TRAPPC9: variants seen among roughly 807,000 people sequenced by gnomAD.
TRAPPC9 encodes the protein trafficking protein particle complex subunit 9, also known as IKK2 binding protein.
A neutral mutation model predicts 124.0 loss-of-function variants in TRAPPC9; 83 were observed. The ratio of observed to expected loss-of-function variants is 0.67; its 90% confidence interval spans 0.56 to 0.80. The LOEUF is 0.80. TRAPPC9 is among the 30% of genes least tolerant of loss of function. The pLI, the probability that TRAPPC9 is intolerant of heterozygous loss-of-function variation, is 0.00. For synonymous variants in TRAPPC9, 638 were observed against 617.5 expected (o/e 1.03, Z -0.49); for missense variants, 1,302 against 1,508.3 (o/e 0.86, Z 2.27).
At position 140,415,166 on chromosome 8, in the gene TRAPPC9, G is replaced by A. The variant is rs1014431882; in HGVS notation, c.887-9468C>T. On this transcript the variant is annotated intron_variant, in intron 5 of 22. Transcript: ENST00000438773. The stretch of plus-strand genomic sequence containing the variant: ...TTCTAGGCTGCAGTGAGCTGTAATC[G>A]CCACTGCACTCCAGCCTGGGCAACA... Among the ~76,000 whole-genome samples the A allele has an allele frequency of 2.3e-4, 35 of 152,110 alleles. 1 individual carries two copies. The highest frequency in any genetic ancestry group is 9.8e-4 in the Admixed American group (15 of 15,274).
At chr8:139,879,444 A>ACACCG (rs1428473055) in intron 21 of TRAPPC9, among the ~76,000 whole-genome samples, 1 of 152,206 alleles carries the variant, frequency 6.6e-6, no homozygotes, top group Non-Finnish European at 1.5e-5. Context: ...ATGCACCACC[A>ACACCG]CACCGTGGCT....
chr8:139,947,907 T>TATATATATATATATAGAGAGAGAGAG, intron 19 of TRAPPC9, among the ~76,000 whole-genome samples: 230 of 59,928 alleles, frequency 3.8e-3, no homozygotes, highest in South Asian at 0.013. Flanking sequence ...TATATATATA[T>TATATATATATATATAGAGAGAGAGAG]AGAGAGAGAG....
At chr8:139,983,042 T>C (rs528957771) in intron 19 of TRAPPC9, among the ~76,000 whole-genome samples, 126 of 152,270 alleles carry the variant, frequency 8.3e-4, no homozygotes, top group African/African-American at 2.9e-3. Flanking sequence ...GGTGATTATA[T>C]TAAAGGGCAG....
intron 17 of TRAPPC9, among the ~76,000 whole-genome samples, chr8:140,127,739 T>C (rs1333176980): frequency 6.6e-6 from 1 of 152,224 alleles, no homozygotes; most frequent in African/African-American, 2.4e-5. Context: ...TCACAGGAAA[T>C]AGCTACCATA....
At chr8:139,794,511 G>A (rs1822914025) in intron 21 of TRAPPC9, among the ~76,000 whole-genome samples, 2 of 152,350 alleles carry the variant, frequency 1.3e-5, no homozygotes, top group Non-Finnish European at 1.5e-5. Context: ...AGCCTCAGTT[G>A]AGCTGAGGTG....
chr8:140,358,449 C>T (rs150082117), intron 9 of TRAPPC9, among the ~76,000 whole-genome samples: 5,475 of 152,268 alleles, frequency 0.036, 208 homozygotes, highest in African/African-American at 0.098. Context: ...TCAGGTGATC[C>T]GCCCACCTGG....
chr8:140,090,635 A>G (rs1844505731), intron 17 of TRAPPC9, among the ~76,000 whole-genome samples: 1 of 152,234 alleles, frequency 6.6e-6, no homozygotes, highest in African/African-American at 2.4e-5. Context: ...GGCCCTTAGC[A>G]CACTTCATGG....
intron 19 of TRAPPC9, among the ~76,000 whole-genome samples, chr8:139,927,109 C>A (rs1832862768): frequency 6.6e-6 from 1 of 152,214 alleles, no homozygotes; most frequent in Non-Finnish European, 1.5e-5. Flanking sequence ...CAAACTATCA[C>A]AATGGGAAAC....
chr8:140,371,155 C>T lies in TRAPPC9; in HGVS notation c.1160G>A (p.Arg387His), dbSNP rs1184876472. The T allele has an allele frequency of 1.9e-6, 3 of 1,613,466 alleles. No individual in the cohort carries two copies. Among genetic ancestry groups the T allele is most frequent in the East Asian group, 2.2e-5 (1 of 44,882 alleles). The change falls in exon 8 of 23, where the codon CGC becomes CAC. Residue 387 changes from arginine to histidine, a missense_variant. Around this residue, in one of 3 missense-constraint regions of TRAPPC9, gnomAD observed 657 missense variants for 811.2 expected, o/e 0.81. Coordinates refer to ENST00000438773, the MANE Select transcript of TRAPPC9 (RefSeq NM_001160372.4). ...RQLSEEEKIQ[R>H]YSILSELYEL... The stretch of plus-strand genomic sequence containing the variant: ...ATAGAGCTCGGAGAGGATGCTGTAG[C>T]GCTGAATTTTCTCTTCCTCAGAAAG...
intron 19 of TRAPPC9, among the ~76,000 whole-genome samples, chr8:139,978,614 C>G (rs1396175068): frequency 6.6e-6 from 1 of 152,210 alleles, no homozygotes; most frequent in African/African-American, 2.4e-5. Flanking sequence ...GGGCGACAAG[C>G]ACGTGGGGTC....
At chr8:139,802,564 C>T (rs1823612763) in intron 21 of TRAPPC9, among the ~76,000 whole-genome samples, 1 of 152,196 alleles carries the variant, frequency 6.6e-6, no homozygotes, top group African/African-American at 2.4e-5. Context: ...AAACCGTTCA[C>T]AGGATCGCTG....
intron 21 of TRAPPC9, among the ~76,000 whole-genome samples, chr8:139,856,491 T>C (rs1411105173): frequency 2.0e-5 from 3 of 152,194 alleles, no homozygotes; most frequent in Non-Finnish European, 2.9e-5. Context: ...AGCTCCCCGC[T>C]GCAGCCTGAG....
At chr8:139,757,386 G>A (rs1336898257) in intron 21 of TRAPPC9, among the ~76,000 whole-genome samples, 3 of 146,618 alleles carry the variant, frequency 2.0e-5, no homozygotes, top group Non-Finnish European at 1.5e-5. Context: ...AGGACAGCAG[G>A]TCGCAGGAGG....
At chr8:140,056,344 A>G (rs1842287524) in intron 17 of TRAPPC9, among the ~76,000 whole-genome samples, 1 of 151,990 alleles carries the variant, frequency 6.6e-6, no homozygotes, top group Non-Finnish European at 1.5e-5. Flanking sequence ...CAGGAGTTTG[A>G]GGATGCAGTG....
At chr8:140,161,126 C>T (rs2061744398) in intron 17 of TRAPPC9, among the ~76,000 whole-genome samples, 1 of 152,142 alleles carries the variant, frequency 6.6e-6, no homozygotes, top group Non-Finnish European at 1.5e-5. Context: ...CCATCTAAAG[C>T]AAGAATGCCC....
At chr8:139,732,568 C>T (rs747680899) in intron 21 of TRAPPC9, among the ~76,000 whole-genome samples, 12 of 152,200 alleles carry the variant, frequency 7.9e-5, no homozygotes, top group Non-Finnish European at 1.3e-4. Context: ...GGAAGGGGCC[C>T]TACAGGCCCT....
rs1193064862 is a variant in TRAPPC9, at chr8:140,033,205, G to A, written c.2557-9126C>T. Among the ~76,000 whole-genome samples, 3 of 151,926 alleles carry A rather than the reference G, an allele frequency of 2.0e-5. No individual in the cohort carries two copies. In the East Asian group the frequency reaches 5.8e-4, roughly 29 times the overall value. On this transcript the variant is annotated intron_variant, in intron 17 of 22. Transcript: ENST00000438773. ...CTATGTCTTTTACATTTTCTTTCTT[G>A]GACTACTGCACTGGCCAGGACTAGT...
chr8:140,206,045 G>A (rs994109543), intron 17 of TRAPPC9, among the ~76,000 whole-genome samples: 2 of 152,182 alleles, frequency 1.3e-5, no homozygotes, highest in Non-Finnish European at 2.9e-5. Context: ...TGAAAAGGAT[G>A]TTACATCATG....
At chr8:139,763,088 TC>T (rs1563795585) in intron 21 of TRAPPC9, among the ~76,000 whole-genome samples, 1 of 152,108 alleles carries the variant, frequency 6.6e-6, no homozygotes, top group Non-Finnish European at 1.5e-5. Flanking sequence ...CAGGAATAAT[TC>T]CCCCAGAGGG....
Sources: gnomAD v4.1 joint callset for allele counts (sites outside exome capture counted in the v4.1 genomes callset) on GRCh38, gnomAD v4.1.1 for gene constraint, gnomAD v4.1.1 regional missense constraint, MANE v1.5 for transcripts, NCBI Gene and HGNC (gene_info 2026-07-23, HGNC 2026-07-21) for gene names.